ASMT: variants seen among roughly 807,000 people sequenced by gnomAD.
ASMT encodes acetylserotonin O-methyltransferase.
In ASMT, 53 loss-of-function variants were observed where a neutral mutation model predicts 41.3. The ratio of observed to expected loss-of-function variants is 1.28; its 90% CI spans 1.03 to 1.61. The LOEUF is 1.61. Ranked by LOEUF, ASMT falls within the 40% of genes most tolerant of loss-of-function variation. The probability of loss-of-function intolerance (pLI) is 0.00; values close to 1 mark genes in which losing one functional copy is unlikely to be tolerated. For missense variants in ASMT, 531 were observed against 441.3 expected (o/e 1.20, Z -1.82); for synonymous variants, 231 against 184.8 (o/e 1.25, Z -2.03).
intron 1 of ASMT, among the ~76,000 whole-genome samples, chrX:1,622,611 C>T (rs1215682556): frequency 2.0e-5 from 3 of 151,836 alleles, no homozygotes; most frequent in Admixed American, 6.6e-5. Flanking sequence ...TGAGGTTGCA[C>T]GGCTATGGAA....
intron 8 of ASMT, among the ~76,000 whole-genome samples, chrX:1,636,970 CA>C (rs1934999887): frequency 2.5e-5 from 1 of 39,536 alleles, no homozygotes; most frequent in Non-Finnish European, 4.5e-5. Flanking sequence ...ATCCTGATGG[CA>C]CATGAGGATG....
Position 1,627,613 on chromosome X carries a change from TGAAATGAAAC to T in ASMT, c.375-70_375-61del, listed in dbSNP as rs1172112841. ...TCCAGCCTGGGCTACAGAGCTGAAA[TGAAATGAAAC>T]GAAATGAAACGAAATGAAATGAAAT... On this transcript the variant is annotated intron_variant, in intron 3 of 8. Transcript: ENST00000381241. The T allele has an allele frequency of 8.2e-5, 102 of 1,246,812 alleles. 1 individual carries two copies. Among genetic ancestry groups the T allele is most frequent in the Admixed American group, 7.9e-4 (45 of 57,176 alleles). The allele number at this position is 1,246,812 out of a possible 1,614,324, so 77.2% of individuals were successfully genotyped here. A position where few individuals can be genotyped will look rare whatever the true frequency, so the allele number is the denominator to read the frequency against.
rs1391813648 is a variant in ASMT, at chrX:1,625,859, G to A, written c.374+1461G>A. On this transcript the variant is annotated intron_variant, in intron 3 of 8. Coordinates refer to ENST00000381241, the MANE Select transcript of ASMT (RefSeq NM_001171038.2). ...GTCCCAGCTACTCGGAGAGGCTGAGGCAGGAAAATGGTGTGAACCCGGGAG... is the reference window on the plus strand; with the variant it reads ...GTCCCAGCTACTCGGAGAGGCTGAGACAGGAAAATGGTGTGAACCCGGGAG... 2.7e-5 allele frequency among the ~76,000 whole-genome samples: 4 copies of A among 149,262 alleles called. No homozygotes were observed. In the East Asian group the frequency reaches 6.1e-4, roughly 23 times the overall value.
chrX:1,642,848 G>C lies in ASMT; in HGVS notation c.956G>C (p.Arg319Pro). Reference protein sequence around the residue: ...VIESLLDEDRRGPLLTQLYSL... With the variant: ...VIESLLDEDRPGPLLTQLYSL... ...GAAAGCCTCCTGGATGAAGACAGGCGAGGTCCTCTGCTCACGCAGCTCTAC... is the reference window on the plus strand; with the variant it reads ...GAAAGCCTCCTGGATGAAGACAGGCCAGGTCCTCTGCTCACGCAGCTCTAC... The change falls in exon 9 of 9, where the codon CGA becomes CCA. Residue 319 changes from arginine (R) to proline (P), a missense_variant. Physicochemically the swap from Arg to Pro is moderately radical, Grantham distance 103. Coordinates refer to ENST00000381241, the MANE Select transcript of ASMT (RefSeq NM_001171038.2). The C allele has an allele frequency of 6.2e-7, 1 of 1,613,966 alleles. No individual in the cohort carries two copies. The highest frequency in any genetic ancestry group is 8.5e-7 in the Non-Finnish European group (1 of 1,179,872).
intron 4 of ASMT, among the ~76,000 whole-genome samples, chrX:1,628,674 C>A (rs1934650443): frequency 6.7e-6 from 1 of 149,392 alleles, no homozygotes; most frequent in Non-Finnish European, 1.5e-5. Context: ...CTCTCCTTTT[C>A]CTTCTCTTCT....
At chrX:1,627,636 A>AATGAG (rs1418963228) in intron 3 of ASMT, 67 bp from the exon 4 acceptor site, 1 of 402,584 alleles carries the variant, frequency 2.5e-6, no homozygotes, top group Non-Finnish European at 3.4e-6. Flanking sequence ...AATGAAACGA[A>AATGAG]ATGAAATGAA....
chrX:1,626,819 C>G (rs34299450), intron 3 of ASMT, among the ~76,000 whole-genome samples: 178 of 145,494 alleles, frequency 1.2e-3, no homozygotes, highest in Middle Eastern at 3.8e-3. Context: ...CCTGAGGTCA[C>G]GAGTTCGAGA....
intron 1 of ASMT, among the ~76,000 whole-genome samples, chrX:1,620,611 G>C (rs1934303554): frequency 6.6e-6 from 1 of 152,002 alleles, no homozygotes; most frequent in Non-Finnish European, 1.5e-5. Context: ...CACTTGAATA[G>C]AATATATCTT....
intron 1 of ASMT, among the ~76,000 whole-genome samples, chrX:1,616,650 G>A (rs181771291): frequency 1.1e-4 from 16 of 151,520 alleles, no homozygotes; most frequent in South Asian, 4.1e-4. Context: ...CGAGGGAATC[G>A]CTTTAGCCCA....
intron 1 of ASMT, among the ~76,000 whole-genome samples, chrX:1,618,108 A>G (rs1480698871): frequency 1.3e-5 from 2 of 152,004 alleles, no homozygotes; most frequent in Non-Finnish European, 2.9e-5. Flanking sequence ...CCTCCTGAGT[A>G]CCTGGGATTA....
intron 8 of ASMT, among the ~76,000 whole-genome samples, chrX:1,641,629 G>GT (rs1556150377): frequency 6.2e-5 from 9 of 144,084 alleles, no homozygotes; most frequent in South Asian, 2.2e-4. Context: ...CAGTGTCCCA[G>GT]TGTCCTGTGA....
chrX:1,623,902 GCCTC>G (rs1373287833), intron 2 of ASMT, among the ~76,000 whole-genome samples: 1 of 152,082 alleles, frequency 6.6e-6, no homozygotes, highest in East Asian at 1.9e-4. Context: ...ACCCGCCTCG[GCCTC>G]CCTAAGCGCT....
chrX:1,618,859 CT>C (rs1197998231), intron 1 of ASMT, among the ~76,000 whole-genome samples: 2 of 152,214 alleles, frequency 1.3e-5, no homozygotes, highest in Non-Finnish European at 2.9e-5. Flanking sequence ...CATTCAAAGA[CT>C]GTCGCTGGTT....
At chrX:1,635,855 T>G (rs1208691266) in intron 7 of ASMT, among the ~76,000 whole-genome samples, 1 of 148,032 alleles carries the variant, frequency 6.8e-6, no homozygotes, top group African/African-American at 2.5e-5. Flanking sequence ...AGAGCAAAAC[T>G]CCATCTCAAA....
intron 1 of ASMT, among the ~76,000 whole-genome samples, chrX:1,621,280 G>A (rs1323390107): frequency 6.6e-6 from 1 of 152,080 alleles, no homozygotes; most frequent in African/African-American, 2.4e-5. Flanking sequence ...CATCCAAAAC[G>A]ATGTGTGCAA....
chrX:1,617,425 T>C (rs1440483560), intron 1 of ASMT, among the ~76,000 whole-genome samples: 1 of 149,906 alleles, frequency 6.7e-6, no homozygotes, highest in African/African-American at 2.4e-5. Context: ...TGAGCCGAGA[T>C]TATGCCACTG....
At chrX:1,636,606 C>A in intron 8 of ASMT, 46 bp downstream of exon 8, 1 of 1,613,280 alleles carries the variant, frequency 6.2e-7, no homozygotes, top group Non-Finnish European at 8.5e-7. Context: ...TGACACGGGG[C>A]AGAATTGTAC....
intron 7 of ASMT, among the ~76,000 whole-genome samples, chrX:1,634,812 CCT>C (rs1443997061): frequency 1.3e-5 from 2 of 151,766 alleles, no homozygotes; most frequent in Non-Finnish European, 2.9e-5. Context: ...TTTACAGGTG[CCT>C]ATCACCATGC....
intron 5 of ASMT, among the ~76,000 whole-genome samples, chrX:1,631,740 TC>T (rs1297108390): frequency 1.3e-5 from 2 of 149,066 alleles, no homozygotes; most frequent in African/African-American, 5.0e-5. Flanking sequence ...CATGGTGAAA[TC>T]CCGTCTCTAC....
Sources: allele counts gnomAD v4.1 joint callset (sites outside exome capture counted in the v4.1 genomes callset), GRCh38; gene constraint gnomAD v4.1.1; transcripts MANE v1.5; gene names NCBI Gene and HGNC (gene_info 2026-07-23, HGNC 2026-07-21).